LOXHD1: variants seen among roughly 807,000 people sequenced by gnomAD.
The protein encoded by LOXHD1 is lipoxygenase homology PLAT domains 1.
Under a neutral mutation model 248.2 loss-of-function variants are expected in LOXHD1, and 205 were observed. That is an observed-to-expected ratio of 0.83 (90% CI 0.74 to 0.93). The LOEUF is 0.93. Ranked by LOEUF, LOXHD1 falls within the 40% of genes least tolerant of loss-of-function variation. The pLI, the probability that LOXHD1 is intolerant of heterozygous loss-of-function variation, is 0.00. For synonymous variants in LOXHD1, 1,113 were observed against 1,162.8 expected, an observed-to-expected ratio of 0.96 and a Z score of 0.87; for missense variants, 2,930 against 2,971.6, an observed-to-expected ratio of 0.99 and a Z score of 0.33.
chr18:46,505,487 C>T (rs1377478904), intron 37 of LOXHD1, among the ~76,000 whole-genome samples: 5 of 152,192 alleles, frequency 3.3e-5, no homozygotes, highest in African/African-American at 1.2e-4. Flanking sequence ...CCGGCACAAA[C>T]ATAATCCTTT....
At chr18:46,512,000 C>T (rs2034990872) in intron 34 of LOXHD1, among the ~76,000 whole-genome samples, 1 of 152,176 alleles carries the variant, frequency 6.6e-6, no homozygotes, top group Non-Finnish European at 1.5e-5. Context: ...CCTTCAAACT[C>T]CCCTTGATTC....
chr18:46,542,039 G>T, intron 24 of LOXHD1, 99 bp from the exon 25 acceptor site: 1 of 1,174,736 alleles, frequency 8.5e-7, no homozygotes, highest in Non-Finnish European at 1.2e-6. Context: ...TTAGGTGGCT[G>T]GCTGATATCA....
At chr18:46,500,923 G>A (rs549487092) in intron 37 of LOXHD1, among the ~76,000 whole-genome samples, 1 of 152,186 alleles carries the variant, frequency 6.6e-6, no homozygotes, top group East Asian at 1.9e-4. Flanking sequence ...CCTTCTTCAG[G>A]AGGGTTTTCT....
rs537227442 is a variant in LOXHD1, at chr18:46,560,082, C to T, written c.3061+1G>A. On this transcript the variant is annotated splice_donor_variant, in intron 19 of 40. Transcript: ENST00000642948. LOFTEE classifies it high-confidence loss of function. ...ACCCCCACCCCCCACGACCCACTTA[C>T]GCTCAGGACCCGGCTTGCCAGCTGG... is the stretch of plus-strand genomic sequence containing the variant. The T allele has an allele frequency of 4.3e-5, 30 of 703,306 alleles. No homozygotes were observed. The highest frequency in any genetic ancestry group is 7.6e-5 in the African/African-American group (4 of 52,412). The allele number at this position is 703,306 out of a possible 1,614,324, so 43.6% of individuals were successfully genotyped here.
intron 12 of LOXHD1, 144 bp downstream of exon 12, chr18:46,591,789 C>A: frequency 1.0e-6 from 1 of 998,496 alleles, no homozygotes; most frequent in Non-Finnish European, 1.5e-6. Context: ...AGTCTTGAGG[C>A]AGGGACCTTC....
At chr18:46,564,442 G>A (rs532874904) in intron 17 of LOXHD1, among the ~76,000 whole-genome samples, 1 of 152,104 alleles carries the variant, frequency 6.6e-6, no homozygotes. Context: ...TGAGGCAGGG[G>A]GATCGCTCGA....
At chr18:46,523,210 G>A (rs1347089336) in intron 31 of LOXHD1, among the ~76,000 whole-genome samples, 1 of 152,184 alleles carries the variant, frequency 6.6e-6, no homozygotes, top group South Asian at 2.1e-4. Context: ...GCCTCCCAAA[G>A]TGCTGGGATT....
chr18:46,477,825 C>T lies in LOXHD1; in HGVS notation c.6469G>A (p.Glu2157Lys). 5.2e-6 allele frequency: 8 copies of T among 1,551,842 alleles called. No homozygotes were observed. The highest frequency in any genetic ancestry group is 1.2e-5 in the South Asian group (1 of 84,062). ...TCATAGCCTGTTGTCACGATGACTT[C>T]GTACTTGACGGGCACCAGGCTCTGG... ...KVQSLVPVKY[E>K]VIVTTGYEPG... The change falls in exon 41 of 41, where the codon GAA becomes AAA. Residue 2157 changes from glutamate (E) to lysine (K), a missense_variant. Physicochemically the swap from Glu to Lys is moderately conservative, Grantham distance 56. Coordinates refer to ENST00000642948, the MANE Select transcript of LOXHD1 (RefSeq NM_001384474.1).
At chr18:46,549,062 A>C (rs540545013) in intron 21 of LOXHD1, among the ~76,000 whole-genome samples, 28 of 152,284 alleles carry the variant, frequency 1.8e-4, no homozygotes, top group African/African-American at 6.7e-4. Flanking sequence ...AGCACACATG[A>C]AGATTTAGGA....
At position 46,559,464 on chromosome 18, in the gene LOXHD1, T is replaced by C; in HGVS notation, c.3200A>G (p.Lys1067Arg). The C allele has an allele frequency of 6.4e-7, 1 of 1,552,006 alleles. No individual in the cohort carries two copies. Among genetic ancestry groups the C allele is most frequent in the Non-Finnish European group, 8.7e-7 (1 of 1,147,052 alleles). The change falls in exon 20 of 41, where the codon AAA becomes AGA. Residue 1067 changes from lysine (K) to arginine (R), a missense_variant. Physicochemically the swap from Lys to Arg is conservative, Grantham distance 26. Coordinates refer to ENST00000642948, the MANE Select transcript of LOXHD1 (RefSeq NM_001384474.1). ...RPLKKSDKSN[K>R]FEQGQTDTFT... ...TCACCCTACCTGCCCCTGCTCAAATTTGTTGGACTTGTCTGACTTCTTCAG... is the reference window on the plus strand; with the variant it reads ...TCACCCTACCTGCCCCTGCTCAAATCTGTTGGACTTGTCTGACTTCTTCAG...
intron 12 of LOXHD1, among the ~76,000 whole-genome samples, chr18:46,587,496 G>A (rs1206236021): frequency 1.3e-5 from 2 of 152,148 alleles, no homozygotes; most frequent in Non-Finnish European, 2.9e-5. Flanking sequence ...GTTCTCAAGG[G>A]TCTTGATTCT....
chr18:46,477,445 C>T lies in LOXHD1; in HGVS notation c.*27G>A, dbSNP rs1316587326. ...GCAGAAATGTGAGATTGGGGCATCT[C>T]AGTGAGAGGGTGGGGGCCCTAGCCC... is the stretch of plus-strand genomic sequence containing the variant. On this transcript the variant is annotated 3_prime_UTR_variant, in exon 41 of 41. Coordinates refer to ENST00000642948, the MANE Select transcript of LOXHD1 (RefSeq NM_001384474.1). The T allele has an allele frequency of 3.9e-5, 60 of 1,538,894 alleles. No individual in the cohort carries two copies. The highest frequency in any genetic ancestry group is 5.3e-5 in the Non-Finnish European group (60 of 1,139,176).
intron 28 of LOXHD1, among the ~76,000 whole-genome samples, chr18:46,529,764 G>T (rs2035982428): frequency 6.6e-6 from 1 of 152,066 alleles, no homozygotes; most frequent in South Asian, 2.1e-4. Flanking sequence ...CTTCTCAGTG[G>T]TTCACAGAAA....
At chr18:46,642,186 G>T in intron 2 of LOXHD1, 150 bp from the exon 3 acceptor site, 1 of 745,972 alleles carries the variant, frequency 1.3e-6, no homozygotes, top group Non-Finnish European at 2.3e-6. Flanking sequence ...ATTCCCTTCT[G>T]ACATGGTTCC....
chr18:46,651,017 C>A (rs1206050347), intron 1 of LOXHD1, among the ~76,000 whole-genome samples: 1 of 152,202 alleles, frequency 6.6e-6, no homozygotes, highest in Admixed American at 6.5e-5. Flanking sequence ...CAAATAGTAA[C>A]CTGGTTTTAA....
chr18:46,485,269 G>C lies in LOXHD1; in HGVS notation c.6050-118C>G, dbSNP rs11082528. On this transcript the variant is annotated intron_variant, in intron 38 of 40. Transcript: ENST00000642948. ...TTTGATCTTAGGCTGCAGCCTGGGG[G>C]TGGGGGAGGCAGGTTAAAAGCACCA... 6,043 of 1,183,104 alleles carry C rather than the reference G, an allele frequency of 5.1e-3. 199 individuals are homozygous for C. In the African/African-American group the frequency reaches 0.078, roughly 15 times the overall value. 73.3% of individuals were successfully genotyped at this position (1,183,104 alleles called of 1,614,324 possible). A position where few individuals can be genotyped will look rare whatever the true frequency, so the allele number is the denominator to read the frequency against.
rs1448507499 is a variant in LOXHD1 at position 46,592,499 on chromosome 18, C to T, written c.1517G>A (p.Arg506Lys). The change falls in exon 11 of 41, where the codon AGG becomes AAG. Residue 506 changes from arginine to lysine, a missense_variant and splice_region_variant. Coordinates refer to ENST00000642948, the MANE Select transcript of LOXHD1 (RefSeq NM_001384474.1). Reference protein sequence around the residue: ...RSSGSGWHLERMTLMNTLNKD... With the variant: ...RSSGSGWHLEKMTLMNTLNKD... ...AAACCCCAAGATGGTGCATCTCACCCTTTCTAAATGCCATCCAGAACCAGA... is the reference window on the plus strand; with the variant it reads ...AAACCCCAAGATGGTGCATCTCACCTTTTCTAAATGCCATCCAGAACCAGA... 4 of 1,551,006 alleles carry T rather than the reference C, an allele frequency of 2.6e-6. No homozygotes were observed. Among genetic ancestry groups the T allele is most frequent in the Admixed American group, 2.0e-5 (1 of 50,976 alleles).
intron 16 of LOXHD1, among the ~76,000 whole-genome samples, chr18:46,567,005 A>T (rs1260215011): frequency 6.6e-6 from 1 of 152,198 alleles, no homozygotes; most frequent in Admixed American, 6.5e-5. Flanking sequence ...TCTTGGACCC[A>T]AGGAACACTT....
At chr18:46,572,910 C>A (rs2037781794) in intron 14 of LOXHD1, among the ~76,000 whole-genome samples, 2 of 150,662 alleles carry the variant, frequency 1.3e-5, no homozygotes, top group South Asian at 4.2e-4. Context: ...GTAGTCCCAG[C>A]TACTCGGGAG....
Sources: allele counts gnomAD v4.1 joint callset (sites outside exome capture counted in the v4.1 genomes callset), GRCh38; gene constraint gnomAD v4.1.1; transcripts MANE v1.5; gene names NCBI Gene and HGNC (gene_info 2026-07-23, HGNC 2026-07-21).